MYRIP: variants seen among roughly 807,000 people sequenced by gnomAD.
MYRIP encodes rab effector MyRIP.
Under a neutral mutation model 98.0 loss-of-function variants are expected in MYRIP, and 49 were observed. That is an observed-to-expected ratio of 0.50 (90% confidence interval 0.40 to 0.63). The LOEUF (loss-of-function observed/expected upper bound fraction) is 0.63, where lower values mean the gene tolerates loss of function less well. Ranked by LOEUF, MYRIP falls within the 30% of genes least tolerant of loss-of-function variation. The probability of loss-of-function intolerance (pLI) is 0.00; values close to 1 mark genes in which losing one functional copy is unlikely to be tolerated. For missense variants in MYRIP, 1,004 were observed against 1,058.2 expected, an observed-to-expected ratio of 0.95 and a Z score of 0.71; for synonymous variants, 404 against 409.5, an observed-to-expected ratio of 0.99 and a Z score of 0.16.
chr3:40,183,163 G>C (rs1046020504), intron 9 of MYRIP, among the ~76,000 whole-genome samples: 1 of 152,190 alleles, frequency 6.6e-6, no homozygotes, highest in African/African-American at 2.4e-5. Context: ...CTCCCAACCT[G>C]TGGACAGGAA....
chr3:40,212,751 T>C (rs532326771), intron 11 of MYRIP, among the ~76,000 whole-genome samples: 1 of 150,778 alleles, frequency 6.6e-6, no homozygotes, highest in South Asian at 2.1e-4. Flanking sequence ...TCTCAAAAAA[T>C]ATATAAGTAA....
chr3:40,049,032 A>T (rs1039434702), intron 3 of MYRIP, among the ~76,000 whole-genome samples: 1 of 152,198 alleles, frequency 6.6e-6, no homozygotes, highest in Non-Finnish European at 1.5e-5. Context: ...TTTCAGAGTG[A>T]GCCCAGACCA....
At chr3:40,204,190 AAATAT>A (rs1559452003) in intron 10 of MYRIP, among the ~76,000 whole-genome samples, 20 of 22,400 alleles carry the variant, frequency 8.9e-4, no homozygotes, top group South Asian at 3.6e-3. Flanking sequence ...TATAATATAT[AAATAT>A]TATATTATAT....
At chr3:40,154,554 AATTTT>A (rs1950181425) in intron 4 of MYRIP, among the ~76,000 whole-genome samples, 1 of 152,138 alleles carries the variant, frequency 6.6e-6, no homozygotes. Context: ...TTTTAAATTT[AATTTT>A]ATTTTAAGTT....
intron 3 of MYRIP, among the ~76,000 whole-genome samples, chr3:40,083,695 G>A (rs1948530063): frequency 6.6e-6 from 1 of 152,116 alleles, no homozygotes; most frequent in African/African-American, 2.4e-5. Flanking sequence ...TACAGGGAAA[G>A]ATCAATGAGG....
chr3:40,132,053 T>C (rs1949655548), intron 3 of MYRIP, among the ~76,000 whole-genome samples: 1 of 152,148 alleles, frequency 6.6e-6, no homozygotes, highest in Non-Finnish European at 1.5e-5. Context: ...TAAAATGTGC[T>C]TATATCATTT....
chr3:39,875,688 G>A (rs1396791722), intron 1 of MYRIP, among the ~76,000 whole-genome samples: 4 of 151,050 alleles, frequency 2.6e-5, no homozygotes, highest in East Asian at 3.9e-4. Context: ...TAGTTTGATT[G>A]CACTGTGGTC....
intron 1 of MYRIP, among the ~76,000 whole-genome samples, chr3:39,864,187 A>G (rs1176591312): frequency 6.6e-6 from 1 of 152,204 alleles, no homozygotes; most frequent in Non-Finnish European, 1.5e-5. Flanking sequence ...ACACACAGCC[A>G]ATATCATACT....
At chr3:40,100,176 C>A in intron 3 of MYRIP, 2 of 985,288 alleles carry the variant, frequency 2.0e-6, no homozygotes, top group South Asian at 9.4e-5. Flanking sequence ...TGTGTCCTGG[C>A]GTTTAATTAT....
chr3:40,046,813 T>C (rs1023640596), intron 3 of MYRIP, among the ~76,000 whole-genome samples: 2 of 152,078 alleles, frequency 1.3e-5, no homozygotes, highest in African/African-American at 4.8e-5. Context: ...TGCTTCAGCA[T>C]ATTCCCCCAC....
chr3:39,904,686 C>G (rs1943834222), intron 2 of MYRIP, among the ~76,000 whole-genome samples: 1 of 152,256 alleles, frequency 6.6e-6, no homozygotes, highest in African/African-American at 2.4e-5. Context: ...TACAGGACTC[C>G]TACTATCCCC....
chr3:39,893,820 G>C, intron 1 of MYRIP, among the ~76,000 whole-genome samples: 1 of 151,958 alleles, frequency 6.6e-6, no homozygotes, highest in East Asian at 1.9e-4. Flanking sequence ...TGTCAGTGCT[G>C]TATCCACTTC....
intron 1 of MYRIP, among the ~76,000 whole-genome samples, chr3:39,882,224 G>A (rs929627253): frequency 2.6e-5 from 4 of 151,848 alleles, no homozygotes; most frequent in African/African-American, 4.8e-5. Flanking sequence ...AGGTGGAAGT[G>A]GTTGGTGTTT....
chr3:40,172,808 T>C (rs1950646223), intron 8 of MYRIP, among the ~76,000 whole-genome samples: 1 of 152,146 alleles, frequency 6.6e-6, no homozygotes, highest in African/African-American at 2.4e-5. Context: ...TCAGCTTGCT[T>C]CTCTTCTAAG....
intron 4 of MYRIP, among the ~76,000 whole-genome samples, chr3:40,157,675 C>T (rs1950275761): frequency 1.3e-5 from 2 of 149,514 alleles, no homozygotes; most frequent in Non-Finnish European, 3.0e-5. Context: ...ATTTCAGATC[C>T]TGTTATTGGT....
At chr3:39,892,896 A>C (rs536528258) in intron 1 of MYRIP, among the ~76,000 whole-genome samples, 1 of 152,326 alleles carries the variant, frequency 6.6e-6, no homozygotes, top group South Asian at 2.1e-4. Context: ...GTGCTCAGAT[A>C]AATAAATGTG....
At chr3:40,157,636 T>C (rs1416038960) in intron 4 of MYRIP, among the ~76,000 whole-genome samples, 3 of 147,880 alleles carry the variant, frequency 2.0e-5, no homozygotes, top group African/African-American at 7.5e-5. Context: ...GGACTCTTTT[T>C]GGTTGGTAAG....
At chr3:40,027,638 A>T (rs565592170) in intron 2 of MYRIP, among the ~76,000 whole-genome samples, 1 of 152,186 alleles carries the variant, frequency 6.6e-6, no homozygotes, top group Non-Finnish European at 1.5e-5. Flanking sequence ...CTCATAATTT[A>T]TAGTTACTTT....
intron 2 of MYRIP, among the ~76,000 whole-genome samples, chr3:40,008,476 C>G (rs1313242235): frequency 6.6e-6 from 1 of 152,114 alleles, no homozygotes; most frequent in Non-Finnish European, 1.5e-5. Flanking sequence ...CTGGCTTAGC[C>G]AGGCTGTAAG....
Sources: gnomAD v4.1 joint callset for allele counts (sites outside exome capture counted in the v4.1 genomes callset) on GRCh38, gnomAD v4.1.1 for gene constraint, MANE v1.5 for transcripts, NCBI Gene and HGNC (gene_info 2026-07-23, HGNC 2026-07-21) for gene names.